The following TRIO variants were observed in gnomAD, a reference collection of about 807,000 sequenced individuals.
TRIO encodes trio Rho guanine nucleotide exchange factor, also known as triple functional domain protein.
Under a neutral mutation model 351.9 loss-of-function variants are expected in TRIO, and 58 were observed. That is an observed-to-expected ratio of 0.16 (90% CI 0.13 to 0.21). The LOEUF is 0.21. Among genes scored for constraint, TRIO ranks in the 10% least tolerant of loss-of-function variants. TRIO has a pLI of 1.00. For missense variants in TRIO, 3,201 were observed against 4,027.8 expected, an observed-to-expected ratio of 0.79 and a Z score of 5.56; for synonymous variants, 1,758 against 1,595.7, an observed-to-expected ratio of 1.10 and a Z score of -2.42.
rs185029656 is a variant in TRIO at position 14,190,819 on chromosome 5, C to T, written c.157+46937C>T. On this transcript the variant is annotated intron_variant, in intron 1 of 56. Transcript: ENST00000344204. ...GCTGTTATGATCACCTCAGAAGTATCTCAGGACAAATATACACACACACCC... is the reference window on the plus strand; with the variant it reads ...GCTGTTATGATCACCTCAGAAGTATTTCAGGACAAATATACACACACACCC... Among the ~76,000 whole-genome samples, 74 of 152,210 alleles carry T rather than the reference C, an allele frequency of 4.9e-4. No homozygotes were observed. The Middle Eastern group carries it at 0.02, about 42-fold the overall frequency.
intron 7 of TRIO, among the ~76,000 whole-genome samples, chr5:14,297,738 G>A (rs1737487453): frequency 6.6e-6 from 1 of 152,166 alleles, no homozygotes; most frequent in Non-Finnish European, 1.5e-5. Context: ...CACAAACTGC[G>A]AAGTTCTAAG....
intron 37 of TRIO, 136 bp downstream of exon 37, chr5:14,465,776 A>C: frequency 2.3e-6 from 2 of 884,048 alleles, no homozygotes; most frequent in Admixed American, 4.1e-5. Context: ...AGGAGTCCCC[A>C]TGACCACCCT....
chr5:14,473,378 AC>A (rs1754822424), intron 39 of TRIO, among the ~76,000 whole-genome samples: 1 of 152,274 alleles, frequency 6.6e-6, no homozygotes, highest in Non-Finnish European at 1.5e-5. Context: ...CATTAAAAGT[AC>A]CAGCTATTAA....
In TRIO at chr5:14,262,292, G is replaced by A. The variant is rs570053965; in HGVS notation, c.158-8533G>A. On this transcript the variant is annotated intron_variant, in intron 1 of 56. Coordinates refer to ENST00000344204, the MANE Select transcript of TRIO (RefSeq NM_007118.4). Reference sequence around the variant, plus strand: ...TGAGCAGTGGGGACTCCAGACTGGGGGCAGGTGAAGAAGAGGTGTGTGTTG... The same window carrying A: ...TGAGCAGTGGGGACTCCAGACTGGGAGCAGGTGAAGAAGAGGTGTGTGTTG... Among the ~76,000 whole-genome samples the A allele has an allele frequency of 2.6e-5, 4 of 152,204 alleles. No homozygotes were observed. In the East Asian group the frequency reaches 7.7e-4, roughly 29 times the overall value.
At chr5:14,505,477 GT>G (rs1757608614) in intron 55 of TRIO, among the ~76,000 whole-genome samples, 1 of 152,262 alleles carries the variant, frequency 6.6e-6, no homozygotes, top group African/African-American at 2.4e-5. Context: ...CATTTGGGAA[GT>G]TTGCATAGCT....
At chr5:14,488,829 T>C in intron 48 of TRIO, 1 of 674,006 alleles carries the variant, frequency 1.5e-6, no homozygotes, top group Non-Finnish European at 2.7e-6. Flanking sequence ...CGTCACCGTG[T>C]TGCTCTGGAA....
Position 14,327,998 on chromosome 5 carries a change from T to C in TRIO, c.1732-2780T>C, listed in dbSNP as rs544191550. 1.3e-5 allele frequency among the ~76,000 whole-genome samples: 2 copies of C among 152,376 alleles called. 1 individual carries two copies. Among genetic ancestry groups the C allele is most frequent in the South Asian group, 4.1e-4 (2 of 4,828 alleles). ...AATGTAGCAATACCTTATAGGACTC[T>C]CTTTTTAATCCCAAGAAAGAAAAAT... On this transcript the variant is annotated intron_variant, in intron 9 of 56. Coordinates refer to ENST00000344204, the MANE Select transcript of TRIO (RefSeq NM_007118.4).
At chr5:14,432,945 A>G (rs1170940945) in intron 34 of TRIO, among the ~76,000 whole-genome samples, 1 of 152,212 alleles carries the variant, frequency 6.6e-6, no homozygotes, top group Non-Finnish European at 1.5e-5. Flanking sequence ...TTTAAGAGAA[A>G]TGGGACATCA....
chr5:14,472,059 T>G (rs1426213854), intron 38 of TRIO, among the ~76,000 whole-genome samples: 1 of 152,232 alleles, frequency 6.6e-6, no homozygotes, highest in Non-Finnish European at 1.5e-5. Flanking sequence ...AACACATGGA[T>G]GAACCTTTTC....
intron 1 of TRIO, among the ~76,000 whole-genome samples, chr5:14,194,414 C>CT (rs1790641310): frequency 6.6e-6 from 1 of 152,130 alleles, no homozygotes; most frequent in Non-Finnish European, 1.5e-5. Context: ...TGTTTTCTTT[C>CT]TTTATTGTTA....
chr5:14,263,490 C>G (rs1284589453), intron 1 of TRIO, among the ~76,000 whole-genome samples: 1 of 151,948 alleles, frequency 6.6e-6, no homozygotes, highest in Admixed American at 6.6e-5. Flanking sequence ...TTTTCTTTTT[C>G]TTTGTCTGAA....
chr5:14,268,317 A>G (rs1795803887), intron 1 of TRIO, among the ~76,000 whole-genome samples: 1 of 152,220 alleles, frequency 6.6e-6, no homozygotes, highest in Non-Finnish European at 1.5e-5. Flanking sequence ...CATTGTGGGT[A>G]TCAGTAAATA....
intron 11 of TRIO, among the ~76,000 whole-genome samples, chr5:14,337,562 G>C (rs1357495909): frequency 1.3e-5 from 2 of 152,158 alleles, no homozygotes; most frequent in Admixed American, 6.5e-5. Flanking sequence ...TATGCACATG[G>C]AAGCTTGTGG....
At chr5:14,244,831 G>A (rs1399776622) in intron 1 of TRIO, among the ~76,000 whole-genome samples, 1 of 152,178 alleles carries the variant, frequency 6.6e-6, no homozygotes, top group Non-Finnish European at 1.5e-5. Flanking sequence ...CATACAGGGA[G>A]GCTGCAGTTG....
chr5:14,252,098 CT>C (rs1794779567), intron 1 of TRIO, among the ~76,000 whole-genome samples: 1 of 151,368 alleles, frequency 6.6e-6, no homozygotes, highest in African/African-American at 2.5e-5. Context: ...TACTTTCTTA[CT>C]GTAAACTCAC....
rs1308896009 is a variant in TRIO at position 14,488,140 on chromosome 5, G to A, written c.7512G>A (p.Gly2504=). The A allele has an allele frequency of 6.2e-7, 1 of 1,608,104 alleles. No homozygotes were observed. The highest frequency in any genetic ancestry group is 1.1e-5 in the South Asian group (1 of 90,996). ...GACCCGGCTCCTTCACCTTCCCGGG[G>A]GACAGCGACTCCCTCCAGCGGCAGA... ...ASRPGSFTFP[G]DSDSLQRQTP... is the part of the protein sequence containing the mutation. The change falls in exon 48 of 57, where the codon GGG becomes GGA. Residue 2504 remains glycine (G), a synonymous_variant. Coordinates refer to ENST00000344204, the MANE Select transcript of TRIO (RefSeq NM_007118.4).
chr5:14,289,734 C>A (rs577471442), intron 4 of TRIO, among the ~76,000 whole-genome samples: 1 of 152,020 alleles, frequency 6.6e-6, no homozygotes, highest in South Asian at 2.1e-4. Flanking sequence ...CCTGTAGTCC[C>A]AGCTACTCGG....
chr5:14,321,527 C>T (rs1739884286), intron 9 of TRIO, among the ~76,000 whole-genome samples: 1 of 152,248 alleles, frequency 6.6e-6, no homozygotes, highest in Non-Finnish European at 1.5e-5. Flanking sequence ...TGCATGCTCA[C>T]AGCTGGCCCA....
chr5:14,147,573 C>T (rs1486571409), intron 1 of TRIO, among the ~76,000 whole-genome samples: 1 of 152,180 alleles, frequency 6.6e-6, no homozygotes, highest in Non-Finnish European at 1.5e-5. Context: ...TGAAGCATCA[C>T]GTCCTGTCGT....
Sources: gnomAD v4.1 joint callset for allele counts (sites outside exome capture counted in the v4.1 genomes callset) on GRCh38, gnomAD v4.1.1 for gene constraint, MANE v1.5 for transcripts, NCBI Gene and HGNC (gene_info 2026-07-23, HGNC 2026-07-21) for gene names.